The following LYPLAL1 variants were observed in gnomAD, a reference collection of about 807,000 sequenced individuals.
LYPLAL1 encodes the protein lysophospholipase like 1.
In LYPLAL1, 23 loss-of-function variants were observed where a neutral mutation model predicts 19.7. The ratio of observed to expected loss-of-function variants is 1.17; its 90% CI spans 0.84 to 1.65. The LOEUF (loss-of-function observed/expected upper bound fraction) is 1.65, where lower values mean the gene tolerates loss of function less well. LYPLAL1 is among the 40% of genes most tolerant of loss of function. The probability of loss-of-function intolerance (pLI) is 0.00; values close to 1 mark genes in which losing one functional copy is unlikely to be tolerated. For synonymous variants in LYPLAL1, 119 were observed against 96.3 expected (o/e 1.24, Z -1.38); for missense variants, 355 against 279.4 (o/e 1.27, Z -1.93).
the LYPLAL1 span, among the ~76,000 whole-genome samples, chr1:219,314,355 G>A: frequency 2.0e-5 from 3 of 152,236 alleles, no homozygotes; most frequent in Non-Finnish European, 2.9e-5. Flanking sequence ...TGGGATTGCT[G>A]TATCAAATGG....
rs759587794 is a variant in LYPLAL1, at chr1:219,211,864, T to G, written c.*136T>G. ...TTTTTATTATTAAAATGCTTATCAC[T>G]GTAGACAGTAGCTAATCTTATTAAT... On this transcript the variant is annotated 3_prime_UTR_variant, in exon 5 of 5. Transcript: ENST00000366928. 2.1e-4 allele frequency: 113 copies of G among 550,054 alleles called. No homozygotes were observed. The highest frequency in any genetic ancestry group is 3.4e-4 in the Non-Finnish European group (109 of 321,494). The allele number at this position is 550,054 out of a possible 1,614,324, so 34.1% of individuals were successfully genotyped here.
At chr1:219,435,667 A>C in the LYPLAL1 span, among the ~76,000 whole-genome samples, 2 of 152,008 alleles carry the variant, frequency 1.3e-5, no homozygotes, top group Non-Finnish European at 2.9e-5. Flanking sequence ...TGTACTAAAA[A>C]TACAAAAAAT....
At position 219,179,196 on chromosome 1, in the gene LYPLAL1, A is replaced by G. The variant is rs1398055381; in HGVS notation, c.141A>G (p.Gln47=). 1 of 1,612,676 alleles carries G rather than the reference A, an allele frequency of 6.2e-7. No individual in the cohort carries two copies. The highest frequency in any genetic ancestry group is 8.5e-7 in the Non-Finnish European group (1 of 1,179,444). Residue 47 remains glutamine, a synonymous_variant, in exon 2 of 5, where the codon CAA becomes CAG. Coordinates refer to ENST00000366928, the MANE Select transcript of LYPLAL1 (RefSeq NM_138794.5). The part of the protein sequence containing the change: ...LRMWIKQVLN[Q]DLTFQHIKII... The stretch of plus-strand genomic sequence containing the variant: ...TGTGGATCAAGCAGGTTTTAAATCA[A>G]GATTTAACATTCCAACACATAAAAA...
At chr1:219,431,796 A>G in the LYPLAL1 span, among the ~76,000 whole-genome samples, 2 of 152,246 alleles carry the variant, frequency 1.3e-5, no homozygotes, top group African/African-American at 2.4e-5. Context: ...GCAATGAGAC[A>G]ACATCATATA....
chr1:219,324,591 T>C, the LYPLAL1 span, among the ~76,000 whole-genome samples: 24 of 152,144 alleles, frequency 1.6e-4, no homozygotes, highest in Admixed American at 1.6e-3. Flanking sequence ...ATGTTTTGTA[T>C]TATAGTGTTA....
At chr1:219,438,501 G>A in the LYPLAL1 span, among the ~76,000 whole-genome samples, 1 of 152,174 alleles carries the variant, frequency 6.6e-6, no homozygotes, top group Non-Finnish European at 1.5e-5. Context: ...TAACAAGAAG[G>A]ACTAAGAGAA....
At chr1:219,226,330 T>C in the LYPLAL1 span, among the ~76,000 whole-genome samples, 1 of 152,192 alleles carries the variant, frequency 6.6e-6, no homozygotes, top group South Asian at 2.1e-4. Flanking sequence ...ATCCTCTGTT[T>C]TTTGCCTTTG....
chr1:219,402,662 T>C, the LYPLAL1 span, among the ~76,000 whole-genome samples: 1 of 147,674 alleles, frequency 6.8e-6, no homozygotes, highest in Non-Finnish European at 1.5e-5. Context: ...AAAAAAAAGC[T>C]AATGAAAAAA....
the LYPLAL1 span, chr1:219,270,718 G>A: frequency 3.3e-5 from 5 of 152,172 alleles, no homozygotes. Flanking sequence ...ATCTATGTTT[G>A]CAGATAGATT....
At chr1:219,387,014 T>A in the LYPLAL1 span, among the ~76,000 whole-genome samples, 2 of 152,336 alleles carry the variant, frequency 1.3e-5, no homozygotes, top group South Asian at 4.1e-4. Context: ...ACCATTTCTC[T>A]GCTTTAAATC....
chr1:219,255,738 C>A, the LYPLAL1 span, among the ~76,000 whole-genome samples: 3 of 151,512 alleles, frequency 2.0e-5, no homozygotes, highest in Non-Finnish European at 2.9e-5. Context: ...TTGTAGATAC[C>A]CTTTATCAGA....
At chr1:219,293,137 G>A in the LYPLAL1 span, among the ~76,000 whole-genome samples, 1 of 152,180 alleles carries the variant, frequency 6.6e-6, no homozygotes, top group African/African-American at 2.4e-5. Flanking sequence ...TCTGGGATGG[G>A]ATAGCTTGCA....
chr1:219,323,780 C>A, the LYPLAL1 span, among the ~76,000 whole-genome samples: 1 of 152,162 alleles, frequency 6.6e-6, no homozygotes, highest in African/African-American at 2.4e-5. Context: ...TGGATTCCTG[C>A]AGTTGCTTTA....
chr1:219,347,288 G>T, the LYPLAL1 span, among the ~76,000 whole-genome samples: 2 of 117,990 alleles, frequency 1.7e-5, no homozygotes. Context: ...TTTTTAGCTA[G>T]GTCTGGCTTT....
the LYPLAL1 span, among the ~76,000 whole-genome samples, chr1:219,334,488 A>G: frequency 1.3e-4 from 19 of 151,478 alleles, no homozygotes; most frequent in African/African-American, 4.1e-4. Flanking sequence ...CTTTTCCAGC[A>G]TAAATGACAG....
At chr1:219,418,618 C>G in the LYPLAL1 span, among the ~76,000 whole-genome samples, 1 of 152,196 alleles carries the variant, frequency 6.6e-6, no homozygotes, top group Non-Finnish European at 1.5e-5. Flanking sequence ...ACATTTGTTA[C>G]GACTGCTGAG....
chr1:219,304,436 C>A, the LYPLAL1 span, among the ~76,000 whole-genome samples: 7 of 152,250 alleles, frequency 4.6e-5, no homozygotes, highest in South Asian at 8.3e-4. Flanking sequence ...GGAAAGCATT[C>A]ATTTGAATGT....
chr1:219,177,428 T>A (rs1655908614), intron 1 of LYPLAL1, among the ~76,000 whole-genome samples: 1 of 152,198 alleles, frequency 6.6e-6, no homozygotes, highest in South Asian at 2.1e-4. Flanking sequence ...GACCCTAGGC[T>A]GGATTTTGTC....
At chr1:219,390,143 GA>G in the LYPLAL1 span, among the ~76,000 whole-genome samples, 1 of 152,102 alleles carries the variant, frequency 6.6e-6, no homozygotes, top group Non-Finnish European at 1.5e-5. Flanking sequence ...GGAAAATACT[GA>G]CTACACTGTG....
Sources: allele counts gnomAD v4.1 joint callset (sites outside exome capture counted in the v4.1 genomes callset), GRCh38; gene constraint gnomAD v4.1.1; transcripts MANE v1.5; gene names NCBI Gene and HGNC (gene_info 2026-07-23, HGNC 2026-07-21).